Variants in FOXN3 observed in about 807,000 individuals in gnomAD.
FOXN3 encodes the protein forkhead box N3.
FOXN3 carries 7 observed loss-of-function variants against 38.4 expected under a neutral mutation model. The ratio of observed to expected loss-of-function variants is 0.18; its 90% CI spans 0.10 to 0.34. The LOEUF is 0.34. Among genes scored for constraint, FOXN3 ranks in the 10% least tolerant of loss-of-function variants. The pLI is 1.00. For missense variants in FOXN3, 456 were observed against 613.4 expected, an observed-to-expected ratio of 0.74 and a Z score of 2.71; for synonymous variants, 230 against 242.2, an observed-to-expected ratio of 0.95 and a Z score of 0.47.
chr14:89,383,030 T>G (rs927892502), intron 2 of FOXN3, among the ~76,000 whole-genome samples: 3 of 10,856 alleles, frequency 2.8e-4, no homozygotes, highest in Admixed American at 1.2e-3. Context: ...TTGGGTGGTG[T>G]TTTTTTTTTT....
chr14:89,241,864 C>T (rs8007432), intron 4 of FOXN3, among the ~76,000 whole-genome samples: 3,714 of 152,228 alleles, frequency 0.024, 154 homozygotes, highest in African/African-American at 0.085. Context: ...CTATCCCACT[C>T]GCAATGGGGG....
At chr14:89,257,778 G>T (rs1885671035) in intron 4 of FOXN3, among the ~76,000 whole-genome samples, 1 of 152,138 alleles carries the variant, frequency 6.6e-6, no homozygotes, top group African/African-American at 2.4e-5. Context: ...AAGTTTCAAA[G>T]ACTTTGGCTA....
chr14:89,578,032 G>C (rs1160931308), intron 1 of FOXN3, among the ~76,000 whole-genome samples: 1 of 152,186 alleles, frequency 6.6e-6, no homozygotes, highest in Admixed American at 6.5e-5. Context: ...CTTTCGAAGA[G>C]AGGTGACCAA....
intron 4 of FOXN3, among the ~76,000 whole-genome samples, chr14:89,194,675 TCCC>T (rs1888051269): frequency 6.6e-6 from 1 of 151,364 alleles, no homozygotes; most frequent in African/African-American, 2.4e-5. Context: ...CTTAAGTTTT[TCCC>T]TTTTTATTAA....
chr14:89,191,040 C>T (rs1468056716), intron 4 of FOXN3, among the ~76,000 whole-genome samples: 1 of 151,826 alleles, frequency 6.6e-6, no homozygotes, highest in African/African-American at 2.4e-5. Flanking sequence ...GTTGAGGGCA[C>T]AATGTTTGCT....
chr14:89,206,766 A>G (rs1253600656), intron 4 of FOXN3, among the ~76,000 whole-genome samples: 2 of 152,248 alleles, frequency 1.3e-5, no homozygotes, highest in Non-Finnish European at 2.9e-5. Flanking sequence ...AACTGCCATC[A>G]TGCCTGCGGT....
chr14:89,432,814 T>C (rs1450191713), intron 1 of FOXN3, among the ~76,000 whole-genome samples: 5 of 152,134 alleles, frequency 3.3e-5, no homozygotes, highest in East Asian at 1.9e-4. Flanking sequence ...TTGGTTTGGT[T>C]TGAGTTTTGC....
At chr14:89,481,504 C>T (rs1056196970) in intron 1 of FOXN3, among the ~76,000 whole-genome samples, 10 of 152,064 alleles carry the variant, frequency 6.6e-5, no homozygotes, top group African/African-American at 2.4e-4. Context: ...TCCAGGGCCA[C>T]TGTCAGGGAA....
chr14:89,347,886 G>A (rs900261798), intron 3 of FOXN3, among the ~76,000 whole-genome samples: 12 of 152,072 alleles, frequency 7.9e-5, no homozygotes, highest in African/African-American at 1.4e-4. Flanking sequence ...CCCAGGAGGC[G>A]GAGGTTGCAG....
chr14:89,262,058 C>T (rs564594170), intron 4 of FOXN3, among the ~76,000 whole-genome samples: 2 of 152,044 alleles, frequency 1.3e-5, no homozygotes, highest in African/African-American at 2.4e-5. Context: ...GAGCCGAGAT[C>T]GCGCACTGCA....
intron 2 of FOXN3, among the ~76,000 whole-genome samples, chr14:89,387,049 G>C (rs1163892977): frequency 6.6e-6 from 1 of 152,136 alleles, no homozygotes; most frequent in Non-Finnish European, 1.5e-5. Flanking sequence ...TTGAGGTCAG[G>C]AGTTCAAGAC....
chr14:89,491,115 A>G (rs918334964), intron 1 of FOXN3, among the ~76,000 whole-genome samples: 4 of 150,820 alleles, frequency 2.7e-5, no homozygotes, highest in African/African-American at 9.8e-5. Flanking sequence ...GGCATGCGCC[A>G]CCACACCTGG....
chr14:89,219,140 C>T lies in FOXN3; in HGVS notation c.746-38334G>A, dbSNP rs115649595. Among the ~76,000 whole-genome samples the T allele has an allele frequency of 1.4e-3, 212 of 152,232 alleles. 2 individuals are homozygous for T. The highest frequency in any genetic ancestry group is 4.8e-3 in the African/African-American group (201 of 41,528). ...CCAAATCTCATGTCGAATTGTAATC[C>T]CCACATGTCAGGGGAGGGAGGTGGT... On this transcript the variant is annotated intron_variant, in intron 4 of 5. Coordinates refer to ENST00000557258, the MANE Select transcript of FOXN3 (RefSeq NM_005197.4).
intron 4 of FOXN3, among the ~76,000 whole-genome samples, chr14:89,277,948 A>G (rs1350426955): frequency 6.6e-6 from 1 of 151,550 alleles, no homozygotes; most frequent in African/African-American, 2.4e-5. Flanking sequence ...ATTTCCACAC[A>G]CCTAAATCTA....
chr14:89,373,166 A>C (rs908688738), intron 2 of FOXN3, among the ~76,000 whole-genome samples: 2 of 151,816 alleles, frequency 1.3e-5, no homozygotes, highest in Non-Finnish European at 2.9e-5. Flanking sequence ...ACCCTGTCTC[A>C]AAAAAAAGAA....
intron 2 of FOXN3, among the ~76,000 whole-genome samples, chr14:89,402,462 GA>G (rs1268681456): frequency 6.6e-6 from 1 of 152,212 alleles, no homozygotes; most frequent in African/African-American, 2.4e-5. Flanking sequence ...CTTTGTGACA[GA>G]AAGTTCCAAG....
intron 3 of FOXN3, among the ~76,000 whole-genome samples, chr14:89,306,533 A>T (rs1194257044): frequency 6.6e-6 from 1 of 151,756 alleles, no homozygotes; most frequent in Non-Finnish European, 1.5e-5. Flanking sequence ...CGCCCGGCTA[A>T]TTTTTTTGTA....
intron 4 of FOXN3, among the ~76,000 whole-genome samples, chr14:89,251,139 A>G (rs961484356): frequency 6.6e-6 from 1 of 152,234 alleles, no homozygotes; most frequent in African/African-American, 2.4e-5. Flanking sequence ...TTTTTCTAAC[A>G]AAATGCCCCT....
chr14:89,436,057 T>C (rs1331807012), intron 1 of FOXN3, among the ~76,000 whole-genome samples: 2 of 151,036 alleles, frequency 1.3e-5, no homozygotes, highest in African/African-American at 4.9e-5. Flanking sequence ...CCCAGGCTGG[T>C]CTCGAACTCC....
Sources: gnomAD v4.1 joint callset for allele counts (sites outside exome capture counted in the v4.1 genomes callset) on GRCh38, gnomAD v4.1.1 for gene constraint, MANE v1.5 for transcripts, NCBI Gene and HGNC (gene_info 2026-07-23, HGNC 2026-07-21) for gene names.